Variants in MSRA observed in about 807,000 individuals in gnomAD.
The protein encoded by MSRA is methionine sulfoxide reductase A, also known as mitochondrial peptide methionine sulfoxide reductase.
Under a neutral mutation model 31.3 loss-of-function variants are expected in MSRA, and 54 were observed. The ratio of observed to expected loss-of-function variants is 1.73; its 90% CI spans 1.39 to 2.17. MSRA has a LOEUF of 2.17. Ranked by LOEUF, MSRA falls within the 30% of genes most tolerant of loss-of-function variation. The probability of loss-of-function intolerance (pLI) is 0.00; values close to 1 mark genes in which losing one functional copy is unlikely to be tolerated. For synonymous variants in MSRA, 169 were observed against 116.5 expected, an observed-to-expected ratio of 1.45 and a Z score of -2.90; for missense variants, 507 against 300.9, an observed-to-expected ratio of 1.69 and a Z score of -5.07.
At chr8:10,392,306 C>G (rs1204848923) in intron 5 of MSRA, among the ~76,000 whole-genome samples, 1 of 152,208 alleles carries the variant, frequency 6.6e-6, no homozygotes, top group Non-Finnish European at 1.5e-5. Flanking sequence ...CTTACATGCT[C>G]TGAGTCAGCT....
chr8:10,355,351 C>T (rs1226445878), intron 5 of MSRA, among the ~76,000 whole-genome samples: 1 of 152,186 alleles, frequency 6.6e-6, no homozygotes, highest in African/African-American at 2.4e-5. Context: ...AGCTTTATCG[C>T]CGATAGATAT....
At chr8:10,275,986 C>G (rs914904514) in intron 3 of MSRA, among the ~76,000 whole-genome samples, 3 of 152,302 alleles carry the variant, frequency 2.0e-5, no homozygotes, top group East Asian at 3.9e-4. Context: ...TCCTCTGGTA[C>G]TGGGGGTTTA....
chr8:10,117,950 G>C (rs1451186605), intron 1 of MSRA, among the ~76,000 whole-genome samples: 1 of 152,266 alleles, frequency 6.6e-6, no homozygotes, highest in East Asian at 1.9e-4. Flanking sequence ...GCTGAAGGTA[G>C]AACATAAACA....
At chr8:10,253,746 T>TG (rs36033960) in intron 3 of MSRA, among the ~76,000 whole-genome samples, 80,025 of 151,890 alleles carry the variant, frequency 0.53, 22,793 homozygotes, top group Non-Finnish European at 0.64. Context: ...AATAACCTTA[T>TG]GGGGGTCAGG....
intron 1 of MSRA, among the ~76,000 whole-genome samples, chr8:10,063,945 T>G (rs772107509): frequency 1.4e-4 from 22 of 152,230 alleles, no homozygotes; most frequent in Non-Finnish European, 3.1e-4. Flanking sequence ...TCCACTTCTC[T>G]GCCGCCCCTT....
intron 1 of MSRA, among the ~76,000 whole-genome samples, chr8:10,091,735 T>G (rs1354251180): frequency 6.6e-6 from 1 of 151,860 alleles, no homozygotes; most frequent in East Asian, 1.9e-4. Flanking sequence ...GCATCCCAAG[T>G]AGCTGGGATT....
intron 1 of MSRA, among the ~76,000 whole-genome samples, chr8:10,115,896 A>T (rs1171493687): frequency 6.6e-6 from 1 of 152,254 alleles, no homozygotes; most frequent in Non-Finnish European, 1.5e-5. Flanking sequence ...ATCCATTTTT[A>T]AAACAAGATA....
At chr8:10,314,647 C>G (rs1801614250) in intron 4 of MSRA, among the ~76,000 whole-genome samples, 1 of 152,170 alleles carries the variant, frequency 6.6e-6, no homozygotes, top group African/African-American at 2.4e-5. Flanking sequence ...AATTCTATTT[C>G]TAGGTATGTA....
At chr8:10,330,749 G>A (rs1023908506) in intron 5 of MSRA, among the ~76,000 whole-genome samples, 1 of 152,194 alleles carries the variant, frequency 6.6e-6, no homozygotes. Context: ...TGTCCCCAGT[G>A]CCTGGTGCTG....
At chr8:10,313,298 C>T (rs1380605524) in intron 4 of MSRA, among the ~76,000 whole-genome samples, 3 of 152,184 alleles carry the variant, frequency 2.0e-5, no homozygotes, top group African/African-American at 7.2e-5. Context: ...AAGCTTCTGT[C>T]AGCCTAGGCC....
chr8:10,283,276 C>G (rs1799731910), intron 3 of MSRA, among the ~76,000 whole-genome samples: 1 of 152,024 alleles, frequency 6.6e-6, no homozygotes, highest in African/African-American at 2.4e-5. Flanking sequence ...GTGGATCCTG[C>G]ATTTTGTCAT....
At chr8:10,329,261 G>A (rs759843292) in intron 5 of MSRA, among the ~76,000 whole-genome samples, 1 of 152,178 alleles carries the variant, frequency 6.6e-6, no homozygotes, top group Non-Finnish European at 1.5e-5. Context: ...CAATTTCCCT[G>A]GACCCAAATC....
At chr8:10,102,114 A>T (rs2128933962) in intron 1 of MSRA, among the ~76,000 whole-genome samples, 1 of 151,572 alleles carries the variant, frequency 6.6e-6, no homozygotes, top group East Asian at 1.9e-4. Context: ...CTTTTTGTGG[A>T]TTTCTTTGGG....
intron 3 of MSRA, among the ~76,000 whole-genome samples, chr8:10,295,023 C>T (rs1042557641): frequency 1.3e-5 from 2 of 152,008 alleles, no homozygotes; most frequent in African/African-American, 4.8e-5. Context: ...TCCAGCTTGG[C>T]GATAGATGAG....
In MSRA at chr8:10,351,004, A is replaced by G. The variant is rs375500696; in HGVS notation, c.543+31015A>G. Reference sequence around the variant, plus strand: ...CCTCCAGAACTCTTACTCCCCATGAATTCTCTGCAGCTGCTCCCCCAGAAT... The same window carrying G: ...CCTCCAGAACTCTTACTCCCCATGAGTTCTCTGCAGCTGCTCCCCCAGAAT... On this transcript the variant is annotated intron_variant, in intron 5 of 5. Coordinates refer to ENST00000317173, the MANE Select transcript of MSRA (RefSeq NM_012331.5). Among the ~76,000 whole-genome samples the G allele has an allele frequency of 1.5e-3, 224 of 152,298 alleles. 1 individual carries two copies. The highest frequency in any genetic ancestry group is 5.1e-3 in the African/African-American group (210 of 41,576).
intron 5 of MSRA, among the ~76,000 whole-genome samples, chr8:10,369,250 T>TAA (rs745787105): frequency 2.4e-4 from 34 of 140,018 alleles, no homozygotes; most frequent in South Asian, 2.3e-3. Context: ...TAGAGTTCTT[T>TAA]AAAAAAAAAA....
At chr8:10,256,097 G>T (rs1008682861) in intron 3 of MSRA, among the ~76,000 whole-genome samples, 1 of 152,024 alleles carries the variant, frequency 6.6e-6, no homozygotes, top group Admixed American at 6.6e-5. Flanking sequence ...TAATTTCACT[G>T]CCCTAAAATT....
At chr8:10,146,015 A>G (rs1033917664) in intron 1 of MSRA, among the ~76,000 whole-genome samples, 1 of 152,192 alleles carries the variant, frequency 6.6e-6, no homozygotes, top group Non-Finnish European at 1.5e-5. Flanking sequence ...ATATTTATGT[A>G]TTTGGAGTAT....
intron 5 of MSRA, among the ~76,000 whole-genome samples, chr8:10,402,325 T>C (rs1423395314): frequency 4.6e-5 from 7 of 152,232 alleles, no homozygotes; most frequent in Non-Finnish European, 1.0e-4. Context: ...AGCTCCTGCC[T>C]GGGCAGGGGA....
Sources: allele counts gnomAD v4.1 joint callset (sites outside exome capture counted in the v4.1 genomes callset), GRCh38; gene constraint gnomAD v4.1.1; transcripts MANE v1.5; gene names NCBI Gene and HGNC (gene_info 2026-07-23, HGNC 2026-07-21).